FAM83B: variants seen among roughly 807,000 people sequenced by gnomAD.
The protein encoded by FAM83B is scaffolding CK1 anchoring protein B.
Under a neutral mutation model 38.8 loss-of-function variants are expected in FAM83B, and 26 were observed. That is an observed-to-expected ratio of 0.67 (90% confidence interval 0.49 to 0.93). FAM83B has a LOEUF of 0.93. Ranked by LOEUF, FAM83B falls within the 40% of genes least tolerant of loss-of-function variation. The pLI is 0.00. For synonymous variants in FAM83B, 419 were observed against 423.1 expected (o/e 0.99, Z 0.12); for missense variants, 1,237 against 1,197.3 (o/e 1.03, Z -0.49).
chr6:54,861,703 T>G (rs187477012), intron 1 of FAM83B, among the ~76,000 whole-genome samples: 8 of 152,026 alleles, frequency 5.3e-5, no homozygotes, highest in Admixed American at 3.9e-4. Flanking sequence ...CTAGTTGGAG[T>G]GTTTCCAGAC....
chr6:54,874,782 A>C (rs1204871936), intron 2 of FAM83B, among the ~76,000 whole-genome samples: 1 of 152,138 alleles, frequency 6.6e-6, no homozygotes, highest in Non-Finnish European at 1.5e-5. Flanking sequence ...ATATGGGATC[A>C]AGACACATAA....
At chr6:54,882,158 T>C (rs1299838876) in intron 2 of FAM83B, among the ~76,000 whole-genome samples, 1 of 152,226 alleles carries the variant, frequency 6.6e-6, no homozygotes, top group African/African-American at 2.4e-5. Flanking sequence ...TAATCCAGTC[T>C]ATCACTGTTG....
intron 4 of FAM83B, among the ~76,000 whole-genome samples, chr6:54,932,721 C>CA (rs1160547865): frequency 2.6e-5 from 4 of 152,014 alleles, no homozygotes; most frequent in African/African-American, 9.7e-5. Context: ...TTTTGAAGGA[C>CA]AGTTTTGCTG....
chr6:54,872,958 A>C (rs1229417763), intron 2 of FAM83B, among the ~76,000 whole-genome samples: 1 of 151,900 alleles, frequency 6.6e-6, no homozygotes, highest in African/African-American at 2.4e-5. Flanking sequence ...GCCAAATATA[A>C]ATTATAACAG....
At chr6:54,909,556 G>A (rs1368639174) in intron 2 of FAM83B, among the ~76,000 whole-genome samples, 1 of 152,138 alleles carries the variant, frequency 6.6e-6, no homozygotes, top group African/African-American at 2.4e-5. Flanking sequence ...TGCATGTTTA[G>A]TATTTGAAAA....
At chr6:54,898,506 C>T (rs570890267) in intron 2 of FAM83B, among the ~76,000 whole-genome samples, 4 of 152,262 alleles carry the variant, frequency 2.6e-5, no homozygotes, top group East Asian at 3.9e-4. Flanking sequence ...TCATGAACAT[C>T]GTCTTCTGGA....
chr6:54,920,458 A>G (rs1451921057), intron 2 of FAM83B, among the ~76,000 whole-genome samples: 1 of 151,848 alleles, frequency 6.6e-6, no homozygotes, highest in African/African-American at 2.4e-5. Context: ...GGTGATAGTG[A>G]CAGTTGTGTG....
At chr6:54,848,954 T>A (rs1447837281) in intron 1 of FAM83B, among the ~76,000 whole-genome samples, 1 of 152,228 alleles carries the variant, frequency 6.6e-6, no homozygotes, top group Non-Finnish European at 1.5e-5. Flanking sequence ...AAAATGTGAA[T>A]GTCCCATGGA....
intron 1 of FAM83B, among the ~76,000 whole-genome samples, chr6:54,858,265 T>A (rs1771490882): frequency 6.6e-6 from 1 of 152,296 alleles, no homozygotes; most frequent in South Asian, 2.1e-4. Context: ...CTAACAATAG[T>A]CACTATTTAA....
chr6:54,944,804 T>A lies in FAM83B; in HGVS notation c.*2797T>A, dbSNP rs549031990. Reference sequence around the variant, plus strand: ...GTGACATGTACGTTGCTGTTTTTTTTAAAATAACTTTATCATGATATTCAG... The same window carrying A: ...GTGACATGTACGTTGCTGTTTTTTTAAAAATAACTTTATCATGATATTCAG... On this transcript the variant is annotated 3_prime_UTR_variant, in exon 5 of 5. Coordinates refer to ENST00000306858, the MANE Select transcript of FAM83B (RefSeq NM_001010872.3). 31 of 152,318 alleles carry A rather than the reference T, an allele frequency of 2.0e-4. No homozygotes were observed. The highest frequency in any genetic ancestry group is 1.9e-4 in the East Asian group (1 of 5,174). 9.4% of individuals were successfully genotyped at this position (152,318 alleles called of 1,614,324 possible).
chr6:54,881,761 A>T (rs1772136472), intron 2 of FAM83B, among the ~76,000 whole-genome samples: 2 of 152,026 alleles, frequency 1.3e-5, no homozygotes, highest in South Asian at 4.2e-4. Context: ...ATTCTTTTTT[A>T]TTTATTTATT....
At chr6:54,858,059 C>G (rs573883166) in intron 1 of FAM83B, among the ~76,000 whole-genome samples, 37 of 152,172 alleles carry the variant, frequency 2.4e-4, no homozygotes, top group Non-Finnish European at 4.1e-4. Flanking sequence ...GCAGTGAAGT[C>G]TGGATGTTTG....
chr6:54,900,760 C>A (rs1772644658), intron 2 of FAM83B, among the ~76,000 whole-genome samples: 1 of 152,082 alleles, frequency 6.6e-6, no homozygotes, highest in African/African-American at 2.4e-5. Flanking sequence ...TGATGGTATG[C>A]CTCAAATAAG....
At chr6:54,876,599 A>G (rs1377684272) in intron 2 of FAM83B, among the ~76,000 whole-genome samples, 2 of 151,930 alleles carry the variant, frequency 1.3e-5, no homozygotes, top group Admixed American at 1.3e-4. Context: ...AATTACAGAC[A>G]TGAGCCACCG....
intron 1 of FAM83B, among the ~76,000 whole-genome samples, chr6:54,859,649 C>A (rs1048000036): frequency 6.6e-6 from 1 of 152,162 alleles, no homozygotes; most frequent in African/African-American, 2.4e-5. Flanking sequence ...GTTGTACTAG[C>A]CCCCGAGTGT....
intron 2 of FAM83B, among the ~76,000 whole-genome samples, chr6:54,879,330 C>G (rs964757659): frequency 6.6e-6 from 1 of 152,116 alleles, no homozygotes; most frequent in Non-Finnish European, 1.5e-5. Flanking sequence ...AAGAACATGA[C>G]GGATTAGATG....
intron 1 of FAM83B, among the ~76,000 whole-genome samples, chr6:54,853,288 A>T (rs1474479351): frequency 6.6e-6 from 1 of 152,234 alleles, no homozygotes; most frequent in Admixed American, 6.5e-5. Context: ...TCTAGCTAAG[A>T]TAATTGATGA....
At position 54,940,918 on chromosome 6, in the gene FAM83B, A is replaced by T; in HGVS notation, c.1947A>T (p.Glu649Asp). Residue 649 changes from glutamate to aspartate, a missense_variant, in exon 5 of 5, where the codon GAA becomes GAT. Transcript: ENST00000306858. ...YKTLGVNKQTENLKNQQTENL... is the reference protein window; with the variant it reads ...YKTLGVNKQTDNLKNQQTENL... Reference sequence around the variant, plus strand: ...CCTTGGGTGTAAATAAGCAGACAGAAAATCTAAAGAATCAACAGACTGAGA... The same window carrying T: ...CCTTGGGTGTAAATAAGCAGACAGATAATCTAAAGAATCAACAGACTGAGA... The T allele has an allele frequency of 6.2e-7, 1 of 1,613,322 alleles. No homozygotes were observed. Among genetic ancestry groups the T allele is most frequent in the Non-Finnish European group, 8.5e-7 (1 of 1,179,860 alleles).
At chr6:54,851,671 G>A (rs1245310987) in intron 1 of FAM83B, among the ~76,000 whole-genome samples, 4 of 104,182 alleles carry the variant, frequency 3.8e-5, no homozygotes, top group Non-Finnish European at 7.4e-5. Flanking sequence ...TTTTTGAGAC[G>A]GAGTCTCGCT....
Sources: gnomAD v4.1 joint callset for allele counts (sites outside exome capture counted in the v4.1 genomes callset) on GRCh38, gnomAD v4.1.1 for gene constraint, MANE v1.5 for transcripts, NCBI Gene and HGNC (gene_info 2026-07-23, HGNC 2026-07-21) for gene names.